The following ANKRD36C variants were observed in gnomAD, a reference collection of about 807,000 sequenced individuals.
The protein encoded by ANKRD36C is ankyrin repeat domain 36C.
Under a neutral mutation model 276.4 loss-of-function variants are expected in ANKRD36C, and 61 were observed. The ratio of observed to expected loss-of-function variants is 0.22; its 90% CI spans 0.18 to 0.27. The LOEUF (loss-of-function observed/expected upper bound fraction) is 0.27, where lower values mean the gene tolerates loss of function less well. Ranked by LOEUF, ANKRD36C falls within the 10% of genes least tolerant of loss-of-function variation. The pLI, the probability that ANKRD36C is intolerant of heterozygous loss-of-function variation, is 1.00. For missense variants in ANKRD36C, 1,447 were observed against 2,032.3 expected, an observed-to-expected ratio of 0.71 and a Z score of 5.54; for synonymous variants, 483 against 680.1, an observed-to-expected ratio of 0.71 and a Z score of 4.51.
At chr2:95,979,473 G>A (rs1245045672) in intron 5 of ANKRD36C, among the ~76,000 whole-genome samples, 1 of 152,004 alleles carries the variant, frequency 6.6e-6, no homozygotes, top group African/African-American at 2.4e-5. Flanking sequence ...GGCTTCCTGT[G>A]AAGTAGAATC....
rs1359996142 is a variant in ANKRD36C at position 95,891,272 on chromosome 2, G to A, written c.2857+393C>T. ...CCTTAGTTCTCCTAACAGTGTCTAC[G>A]GGTTGTTACAACAAGCTTTCTGTCT... On this transcript the variant is annotated intron_variant, in intron 46 of 66. Coordinates refer to ENST00000456556, the Ensembl canonical transcript of ANKRD36C. Among the ~76,000 whole-genome samples the A allele has an allele frequency of 2.6e-5, 4 of 151,350 alleles. 1 individual carries two copies. The highest frequency in any genetic ancestry group is 6.6e-5 in the Admixed American group (1 of 15,146).
intron 54 of ANKRD36C, among the ~76,000 whole-genome samples, chr2:95,882,949 A>T (rs1236840086): frequency 9.9e-5 from 15 of 152,146 alleles, no homozygotes; most frequent in Admixed American, 6.6e-5. Flanking sequence ...CTGGTAATTG[A>T]GGAGGTACAC....
chr2:95,861,768 T>C (rs1401675925), intron 60 of ANKRD36C, among the ~76,000 whole-genome samples: 1 of 152,068 alleles, frequency 6.6e-6, no homozygotes, highest in East Asian at 1.9e-4. Context: ...AAATGACACT[T>C]GTCTAAGAAC....
chr2:95,910,517 A>C lies in ANKRD36C; in HGVS notation c.2653+1727T>G, dbSNP rs748645947. 5 of 1,605,938 alleles carry C rather than the reference A, an allele frequency of 3.1e-6. No individual in the cohort carries two copies. The African/African-American group carries it at 6.7e-5, about 22-fold the overall frequency. ...ATAGACCATACATTAACTCGTTCAC[A>C]ATATAAATGAGAGTTTCATTACCTT... On this transcript the variant is annotated intron_variant, in intron 42 of 66. Transcript: ENST00000456556.
At chr2:95,979,883 G>A (rs903158520) in intron 5 of ANKRD36C, among the ~76,000 whole-genome samples, 6 of 152,050 alleles carry the variant, frequency 3.9e-5, no homozygotes, top group Admixed American at 2.6e-4. Context: ...AATTTGCTCC[G>A]TATGTATGTT....
intron 3 of ANKRD36C, 55 bp downstream of exon 3, chr2:95,986,696 A>G: frequency 3.4e-6 from 5 of 1,473,932 alleles, no homozygotes; most frequent in South Asian, 1.4e-5. Flanking sequence ...ACATGTGTCA[A>G]TGTTAAAATA....
At chr2:95,869,666 C>G (rs1199929076) in intron 59 of ANKRD36C, among the ~76,000 whole-genome samples, 1 of 152,194 alleles carries the variant, frequency 6.6e-6, no homozygotes, top group African/African-American at 2.4e-5. Flanking sequence ...GGGTGCTGGA[C>G]AGTGGGTGCA....
chr2:95,937,811 A>G, intron 22 of ANKRD36C, among the ~76,000 whole-genome samples: 1 of 152,310 alleles, frequency 6.6e-6, no homozygotes, highest in Non-Finnish European at 1.5e-5. Context: ...TACTATGGGT[A>G]TCTGAAATAC....
At chr2:95,948,548 C>G (rs1678114533) in exon 17 of ANKRD36C, 2 of 1,535,654 alleles carry the variant, frequency 1.3e-6, no homozygotes, top group East Asian at 4.9e-5. Context: ...CCAAAGCAAA[C>G]TTATCCTTTG....
chr2:95,894,592 A>G (rs1187639500), intron 44 of ANKRD36C, among the ~76,000 whole-genome samples: 7 of 151,420 alleles, frequency 4.6e-5, no homozygotes, highest in Non-Finnish European at 7.4e-5. Flanking sequence ...TGGGAGTATC[A>G]TGTTATGTTC....
intron 14 of ANKRD36C, among the ~76,000 whole-genome samples, chr2:95,952,832 A>G (rs544020889): frequency 7.9e-5 from 12 of 152,294 alleles, no homozygotes; most frequent in Non-Finnish European, 1.8e-4. Flanking sequence ...ATTCACATTA[A>G]AAACTATTAA....
At chr2:95,849,260 A>G (rs1211214825), downstream of ANKRD36C, among the ~76,000 whole-genome samples, 1 of 152,178 alleles carries the variant, frequency 6.6e-6, no homozygotes, top group Non-Finnish European at 1.5e-5. Flanking sequence ...GGATTTCACC[A>G]TATTGGCCAG....
intron 60 of ANKRD36C, among the ~76,000 whole-genome samples, chr2:95,866,069 C>T (rs1448763289): frequency 6.6e-6 from 1 of 152,142 alleles, no homozygotes; most frequent in Non-Finnish European, 1.5e-5. Flanking sequence ...GGTGTTGGAA[C>T]AATTGGCTGT....
chr2:95,954,867 C>G (rs1330940167), intron 13 of ANKRD36C, among the ~76,000 whole-genome samples: 1 of 152,104 alleles, frequency 6.6e-6, no homozygotes, highest in Non-Finnish European at 1.5e-5. Flanking sequence ...CCTATGGGCT[C>G]CCACTTCTGG....
chr2:95,919,641 TC>T (rs1427184413), intron 34 of ANKRD36C, 91 bp downstream of exon 36: 6 of 566,916 alleles, frequency 1.1e-5, no homozygotes, highest in African/African-American at 6.4e-5. Context: ...CTTCGGCGAC[TC>T]CCCCCACCCA....
intron 19 of ANKRD36C, among the ~76,000 whole-genome samples, chr2:95,942,888 A>T (rs1178765865): frequency 8.6e-4 from 122 of 142,412 alleles, no homozygotes; most frequent in East Asian, 2.9e-3. Flanking sequence ...ATAATACAAA[A>T]TGTCCCAACT....
chr2:95,910,859 C>T (rs190301643), intron 42 of ANKRD36C, among the ~76,000 whole-genome samples: 2 of 151,414 alleles, frequency 1.3e-5, no homozygotes, highest in Non-Finnish European at 3.0e-5. Context: ...GTGATGAGAA[C>T]AAATGTGATC....
At chr2:95,863,935 C>A (rs1285910829) in intron 60 of ANKRD36C, among the ~76,000 whole-genome samples, 8 of 152,058 alleles carry the variant, frequency 5.3e-5, no homozygotes, top group African/African-American at 1.4e-4. Context: ...CATACATGTA[C>A]AGTACCAAGA....
intron 32 of ANKRD36C, 90 bp from the exon 33 acceptor site, chr2:95,921,900 G>T (rs1409663648): frequency 1.5e-6 from 2 of 1,329,534 alleles, no homozygotes; most frequent in East Asian, 4.9e-5. Context: ...GTATCTGCCT[G>T]CCTGTATTAG....
Sources: allele counts gnomAD v4.1 joint callset (sites outside exome capture counted in the v4.1 genomes callset), GRCh38; gene constraint gnomAD v4.1.1; transcripts MANE v1.5; gene names NCBI Gene and HGNC (gene_info 2026-07-23, HGNC 2026-07-21).